TIMM17A: variants seen among roughly 807,000 people sequenced by gnomAD.
TIMM17A encodes the protein mitochondrial import inner membrane translocase subunit Tim17-A.
A neutral mutation model predicts 26.5 loss-of-function variants in TIMM17A; 15 were observed. That is an observed-to-expected ratio of 0.57 (90% CI 0.38 to 0.87). The LOEUF is 0.87. Ranked by LOEUF, TIMM17A falls within the 40% of genes least tolerant of loss-of-function variation. TIMM17A has a pLI of 0.00. For missense variants in TIMM17A, 201 were observed against 210.0 expected (o/e 0.96, Z 0.27); for synonymous variants, 80 against 70.8 (o/e 1.13, Z -0.66).
At chr1:201,959,858 G>C (rs1003889792) in intron 3 of TIMM17A, among the ~76,000 whole-genome samples, 1 of 151,680 alleles carries the variant, frequency 6.6e-6, no homozygotes, top group African/African-American at 2.4e-5. Context: ...AAAATTAGCC[G>C]GGCATGGTGA....
chr1:201,955,590 C>G (rs557227725), intron 1 of TIMM17A, 38 bp downstream of exon 1: 1 of 1,614,036 alleles, frequency 6.2e-7, no homozygotes, highest in East Asian at 2.2e-5. Flanking sequence ...CTCTTGCCCC[C>G]CTGCCCACTG....
intron 4 of TIMM17A, 82 bp from the exon 5 acceptor site, chr1:201,965,351 A>C: frequency 1.0e-6 from 1 of 987,378 alleles, no homozygotes; most frequent in Non-Finnish European, 1.6e-6. Flanking sequence ...ATGTCACCAT[A>C]TGGACAGTTC....
Position 201,961,066 on chromosome 1 carries a change from C to CTT in TIMM17A, c.191-2535_191-2534dup, listed in dbSNP as rs71141429. ...CGCCCGGACTTAGGTCTTATATTTT[C>CTT]TTTTTTTTTTTTTTTTGAAACGGAA... is the stretch of plus-strand genomic sequence containing the variant. On this transcript the variant is annotated intron_variant, in intron 3 of 5. Transcript: ENST00000367287. Among the ~76,000 whole-genome samples the CTT allele has an allele frequency of 4.0e-3, 541 of 136,026 alleles. 3 individuals are homozygous for CTT. Among genetic ancestry groups the CTT allele is most frequent in the African/African-American group, 9.3e-3 (342 of 36,618 alleles). 89.2% of individuals were successfully genotyped at this position (136,026 alleles called of 152,430 possible).
chr1:201,957,792 A>C (rs1571602749), intron 3 of TIMM17A: 1 of 439,624 alleles, frequency 2.3e-6, no homozygotes, highest in East Asian at 3.8e-5. Flanking sequence ...TCCTTCAGAC[A>C]CTCGGTGATT....
chr1:201,964,635 C>CTTTTTTTTTTTTATTT (rs1682591187), intron 4 of TIMM17A, among the ~76,000 whole-genome samples: 4 of 90,956 alleles, frequency 4.4e-5, no homozygotes, highest in Non-Finnish European at 5.9e-5. Flanking sequence ...TATTTTATTT[C>CTTTTTTTTTTTTATTT]TTTTTTTTTT....
intron 3 of TIMM17A, 60 bp downstream of exon 3, chr1:201,957,634 ATT>A: frequency 7.2e-7 from 1 of 1,388,372 alleles, no homozygotes; most frequent in African/African-American, 1.4e-5. Context: ...AGATGGAGCT[ATT>A]TTTATTTTTA....
rs59893489 is a variant in TIMM17A at position 201,967,015 on chromosome 1, G to GTGTGTATA, written c.430+1473_430+1474insGTGTATAT. 4.2e-5 allele frequency among the ~76,000 whole-genome samples: 5 copies of GTGTGTATA among 118,830 alleles called. No individual in the cohort carries two copies. In the South Asian group the frequency reaches 7.8e-4, roughly 19 times the overall value. The allele number at this position is 118,830 out of a possible 152,430, so 78.0% of individuals were successfully genotyped here. On this transcript the variant is annotated intron_variant, in intron 5 of 5. Coordinates refer to ENST00000367287, the MANE Select transcript of TIMM17A (RefSeq NM_006335.3). ...GTTGTGTGTGTGTGTGTGTGTGTGT[G>GTGTGTATA]TATATATATATAGTGAGGATAGTAG...
chr1:201,963,527 C>CTA (rs1170885704), intron 3 of TIMM17A, 89 bp from the exon 4 acceptor site: 4 of 1,374,058 alleles, frequency 2.9e-6, no homozygotes, highest in Non-Finnish European at 4.0e-6. Context: ...AATTTTGAGA[C>CTA]TATAGTGAGT....
rs772321558 is a variant in TIMM17A at position 201,969,495 on chromosome 1, C to T, written c.457C>T (p.Gln153Ter). Residue 153 changes from glutamine (Q) to a stop codon, truncating the protein, a stop_gained, in exon 6 of 6, where the codon CAG (glutamine) becomes TAG (stop). Transcript: ENST00000367287. LOFTEE classifies it high-confidence loss of function. The stretch of plus-strand genomic sequence containing the variant: ...TCCTCAGTTTGCAGAAGACCCCTCC[C>T]AGTTGCCTTCAACTCAGTTACCTTC... Reference protein sequence around the residue: ...NGPQFAEDPSQLPSTQLPSSP... With the variant: ...NGPQFAEDPS 6.2e-7 allele frequency: 1 copy of T among 1,613,868 alleles called. No individual in the cohort carries two copies. The highest frequency in any genetic ancestry group is 1.1e-5 in the South Asian group (1 of 91,060).
At position 201,965,423 on chromosome 1, in the gene TIMM17A, A is replaced by T. The variant is rs1682610617; in HGVS notation, c.320-10A>T. 3.8e-6 allele frequency: 6 copies of T among 1,565,452 alleles called. No homozygotes were observed. Among genetic ancestry groups the T allele is most frequent in the African/African-American group, 2.7e-5 (2 of 73,978 alleles). ...GTAAAAAATAATCTCTTTGTTATTAATGTCTTCAGATGGACCAGTGGCCAT... is the reference window on the plus strand; with the variant it reads ...GTAAAAAATAATCTCTTTGTTATTATTGTCTTCAGATGGACCAGTGGCCAT... On this transcript the variant is annotated splice_polypyrimidine_tract_variant and intron_variant, in intron 4 of 5. Transcript: ENST00000367287.
At chr1:201,956,829 G>A (rs1454804757) in intron 1 of TIMM17A, among the ~76,000 whole-genome samples, 1 of 151,908 alleles carries the variant, frequency 6.6e-6, no homozygotes, top group East Asian at 1.9e-4. Flanking sequence ...GGTGGCACGC[G>A]CCTGTAGTCC....
chr1:201,960,584 G>A (rs558412722), intron 3 of TIMM17A, among the ~76,000 whole-genome samples: 18 of 152,172 alleles, frequency 1.2e-4, no homozygotes, highest in Non-Finnish European at 2.4e-4. Context: ...AAATCCTAGA[G>A]GTTAGCCTTT....
chr1:201,961,257 G>A (rs753076792), intron 3 of TIMM17A, among the ~76,000 whole-genome samples: 3 of 151,486 alleles, frequency 2.0e-5, no homozygotes, highest in Admixed American at 6.6e-5. Flanking sequence ...AGTGGAGATG[G>A]GGTTTCACCA....
intron 3 of TIMM17A, 35 bp downstream of exon 3, chr1:201,957,609 T>C (rs546888801): frequency 1.3e-6 from 2 of 1,544,578 alleles, no homozygotes; most frequent in South Asian, 2.3e-5. Flanking sequence ...GAACTATTTT[T>C]TTCTGTTCCT....
At chr1:201,963,363 A>G (rs984439598) in intron 3 of TIMM17A, 2 of 343,636 alleles carry the variant, frequency 5.8e-6, no homozygotes, top group African/African-American at 2.2e-5. Flanking sequence ...GGTGTGAGCT[A>G]TGGCACCCGG....
In TIMM17A at chr1:201,963,813, A is replaced by G. The variant is rs1047540403; in HGVS notation, c.319+69A>G. The stretch of plus-strand genomic sequence containing the variant: ...GGAAAACCTCATCTGCCTCAATTGA[A>G]TGACATCTGTAATATATAAAACTGA... On this transcript the variant is annotated intron_variant, in intron 4 of 5. Transcript: ENST00000367287. 14 of 1,492,572 alleles carry G rather than the reference A, an allele frequency of 9.4e-6. No individual in the cohort carries two copies. In the African/African-American group the frequency reaches 1.1e-4, roughly 12 times the overall value. The allele number at this position is 1,492,572 out of a possible 1,614,324, so 92.5% of individuals were successfully genotyped here. A position where few individuals can be genotyped will look rare whatever the true frequency, so the allele number is the denominator to read the frequency against.
intron 3 of TIMM17A, among the ~76,000 whole-genome samples, chr1:201,960,383 G>C (rs145448296): frequency 0.022 from 3,360 of 151,378 alleles, 129 homozygotes; most frequent in African/African-American, 0.077. Flanking sequence ...CTGGGCAACA[G>C]AGCAAGACTC....
chr1:201,962,491 T>TA (rs1682550782), intron 3 of TIMM17A: 1 of 152,052 alleles, frequency 6.6e-6, no homozygotes, highest in Non-Finnish European at 1.5e-5. Context: ...GGACTACAGG[T>TA]GCCCGCCATC....
In TIMM17A at chr1:201,955,538, C is replaced by G; in HGVS notation, c.12C>G (p.Tyr4Ter). 1 of 1,614,266 alleles carries G rather than the reference C, an allele frequency of 6.2e-7. No homozygotes were observed. Among genetic ancestry groups the G allele is most frequent in the Non-Finnish European group, 8.5e-7 (1 of 1,180,054 alleles). ...GCATTGGAGTCAAGATGGAGGAGTA[C>G]GCGCGAGAGCCTTGGTGAGCTTCAC... MEE[Y>*]AREPCPWRIV... is the part of the protein sequence containing the mutation. Residue 4 changes from tyrosine to a stop codon, truncating the protein, a stop_gained, in exon 1 of 6, where the codon TAC becomes TAG. Transcript: ENST00000367287. LOFTEE classifies it high-confidence loss of function.
Sources: gnomAD v4.1 joint callset for allele counts (sites outside exome capture counted in the v4.1 genomes callset) on GRCh38, gnomAD v4.1.1 for gene constraint, MANE v1.5 for transcripts, NCBI Gene and HGNC (gene_info 2026-07-23, HGNC 2026-07-21) for gene names.